ANKS1B: variants seen among roughly 807,000 people sequenced by gnomAD.
ANKS1B encodes the protein ankyrin repeat and sterile alpha motif domain containing 1B, also known as ankyrin repeat and sterile alpha motif domain-containing protein 1B.
Under a neutral mutation model 148.3 loss-of-function variants are expected in ANKS1B, and 36 were observed. That is an observed-to-expected ratio of 0.24 (90% CI 0.19 to 0.32). The LOEUF is 0.32. Among genes scored for constraint, ANKS1B ranks in the 10% least tolerant of loss-of-function variants. The pLI, the probability that ANKS1B is intolerant of heterozygous loss-of-function variation, is 1.00. For missense variants in ANKS1B, 1,157 were observed against 1,542.6 expected, an observed-to-expected ratio of 0.75 and a Z score of 4.19; for synonymous variants, 542 against 560.8, an observed-to-expected ratio of 0.97 and a Z score of 0.47.
intron 1 of ANKS1B, among the ~76,000 whole-genome samples, chr12:99,838,008 C>T (rs114338524): frequency 0.013 from 1,985 of 152,152 alleles, 46 homozygotes; most frequent in African/African-American, 0.045. Context: ...TATTTAGCTC[C>T]CATTTATAAG....
At chr12:98,893,029 G>T (rs907756481) in intron 17 of ANKS1B, among the ~76,000 whole-genome samples, 4 of 151,998 alleles carry the variant, frequency 2.6e-5, no homozygotes, top group Non-Finnish European at 5.9e-5. Flanking sequence ...TCACTATTTT[G>T]CCCCCCAACA....
At chr12:99,728,239 G>T (rs1046573287) in intron 8 of ANKS1B, among the ~76,000 whole-genome samples, 1 of 151,964 alleles carries the variant, frequency 6.6e-6, no homozygotes, top group African/African-American at 2.4e-5. Context: ...TTTGACAAAG[G>T]TCTAATATCC....
chr12:98,860,115 G>A (rs1037095757), intron 17 of ANKS1B, among the ~76,000 whole-genome samples: 6 of 152,210 alleles, frequency 3.9e-5, no homozygotes, highest in African/African-American at 1.2e-4. Context: ...TTCTGTTAAT[G>A]TATGTATGAA....
At chr12:99,263,684 G>T (rs2076154321) in intron 12 of ANKS1B, among the ~76,000 whole-genome samples, 1 of 152,092 alleles carries the variant, frequency 6.6e-6, no homozygotes, top group South Asian at 2.1e-4. Context: ...TCATGACAGT[G>T]AGTGAGTTCT....
chr12:98,774,002 G>T (rs2153483610), intron 24 of ANKS1B, among the ~76,000 whole-genome samples: 1 of 152,332 alleles, frequency 6.6e-6, no homozygotes, highest in South Asian at 2.1e-4. Flanking sequence ...GAAGCAGGCA[G>T]GTGGAAGCCT....
chr12:98,960,341 C>T (rs1361543581), intron 17 of ANKS1B, among the ~76,000 whole-genome samples: 3 of 152,056 alleles, frequency 2.0e-5, no homozygotes, highest in Admixed American at 2.0e-4. Context: ...AGAACAAGAG[C>T]CTATGTCTGG....
intron 12 of ANKS1B, among the ~76,000 whole-genome samples, chr12:99,279,368 A>C (rs1240853796): frequency 6.6e-6 from 1 of 152,114 alleles, no homozygotes; most frequent in Non-Finnish European, 1.5e-5. Context: ...AATGATTTTT[A>C]GTGTACTTAG....
intron 12 of ANKS1B, among the ~76,000 whole-genome samples, chr12:99,281,682 T>C (rs959371210): frequency 6.6e-6 from 1 of 152,112 alleles, no homozygotes; most frequent in Non-Finnish European, 1.5e-5. Context: ...ATAAAAGAAC[T>C]TGTGAAAAGT....
chr12:99,227,191 T>C (rs1026536273), intron 14 of ANKS1B, among the ~76,000 whole-genome samples: 1 of 152,158 alleles, frequency 6.6e-6, no homozygotes, highest in Non-Finnish European at 1.5e-5. Flanking sequence ...GCTATTCTCA[T>C]GACAGTGAGT....
At chr12:99,618,407 C>CAG (rs1428236037) in intron 9 of ANKS1B, among the ~76,000 whole-genome samples, 1 of 152,138 alleles carries the variant, frequency 6.6e-6, no homozygotes, top group Non-Finnish European at 1.5e-5. Context: ...TAGCACGCCT[C>CAG]AGTAACTTGG....
At chr12:99,754,362 TC>T (rs1420543178) in intron 8 of ANKS1B, among the ~76,000 whole-genome samples, 1 of 152,080 alleles carries the variant, frequency 6.6e-6, no homozygotes, top group Non-Finnish European at 1.5e-5. Context: ...TAAATCAAGT[TC>T]TTAGAGACTT....
chr12:99,828,307 A>T (rs1803670760), intron 1 of ANKS1B, among the ~76,000 whole-genome samples: 1 of 152,124 alleles, frequency 6.6e-6, no homozygotes, highest in South Asian at 2.1e-4. Flanking sequence ...TGATGTAAAT[A>T]CTTCAACTTA....
intron 15 of ANKS1B, among the ~76,000 whole-genome samples, chr12:99,112,895 A>C (rs1036260542): frequency 1.3e-5 from 2 of 152,210 alleles, no homozygotes; most frequent in Admixed American, 1.3e-4. Context: ...TGCTCTTTCT[A>C]TATCAAGCAT....
chr12:99,353,156 C>A (rs1478503367), intron 12 of ANKS1B, among the ~76,000 whole-genome samples: 1 of 152,006 alleles, frequency 6.6e-6, no homozygotes, highest in Non-Finnish European at 1.5e-5. Context: ...TCATTAGAGG[C>A]ACCACAGTAT....
intron 8 of ANKS1B, among the ~76,000 whole-genome samples, chr12:99,719,504 G>A (rs368268025): frequency 5.3e-4 from 80 of 152,024 alleles, no homozygotes; most frequent in African/African-American, 1.9e-3. Context: ...AGGCCTAATC[G>A]CCACTCACCA....
rs574228367 is a variant in ANKS1B at position 99,890,767 on chromosome 12, A to G, written c.135-65378T>C. Among the ~76,000 whole-genome samples the G allele has an allele frequency of 1.4e-4, 21 of 152,340 alleles. 1 individual carries two copies. The East Asian group carries it at 4.0e-3, about 29-fold the overall frequency. On this transcript the variant is annotated intron_variant, in intron 1 of 26. Coordinates refer to ENST00000683438, the MANE Select transcript of ANKS1B (RefSeq NM_001352186.2). ...CACAACCCAATTAAACAGTTGAATA[A>G]GCAAGCTATAAAGAGAAGATGTGAC...
intron 1 of ANKS1B, among the ~76,000 whole-genome samples, chr12:99,835,920 C>T (rs1028507955): frequency 6.6e-6 from 1 of 152,072 alleles, no homozygotes; most frequent in African/African-American, 2.4e-5. Flanking sequence ...GCACATGTAT[C>T]CCAGAACTTA....
intron 17 of ANKS1B, among the ~76,000 whole-genome samples, chr12:98,860,792 T>A (rs925508992): frequency 2.0e-5 from 3 of 152,154 alleles, no homozygotes; most frequent in Admixed American, 2.0e-4. Context: ...AGGTGACAGG[T>A]TGACAGGTGC....
chr12:99,543,533 A>G (rs147252304), intron 9 of ANKS1B, among the ~76,000 whole-genome samples: 1 of 152,304 alleles, frequency 6.6e-6, no homozygotes, highest in East Asian at 1.9e-4. Flanking sequence ...AAATGCTCAT[A>G]GCAGCATTGC....
Sources: allele counts gnomAD v4.1 joint callset (sites outside exome capture counted in the v4.1 genomes callset), GRCh38; gene constraint gnomAD v4.1.1; transcripts MANE v1.5; gene names NCBI Gene and HGNC (gene_info 2026-07-23, HGNC 2026-07-21).